The following TPH2 variants were observed in gnomAD, a reference collection of about 807,000 sequenced individuals.
The protein encoded by TPH2 is tryptophan hydroxylase 2, also known as tryptophan 5-hydroxylase 2.
In TPH2, 27 loss-of-function variants were observed where a neutral mutation model predicts 59.1. The ratio of observed to expected loss-of-function variants is 0.46; its 90% CI spans 0.34 to 0.63. The LOEUF is 0.63. Ranked by LOEUF, TPH2 falls within the 30% of genes least tolerant of loss-of-function variation. The probability of loss-of-function intolerance (pLI) is 0.01; values close to 1 mark genes in which losing one functional copy is unlikely to be tolerated. For synonymous variants in TPH2, 220 were observed against 210.5 expected, an observed-to-expected ratio of 1.05 and a Z score of -0.39; for missense variants, 523 against 588.3, an observed-to-expected ratio of 0.89 and a Z score of 1.15.
chr12:72,028,415 A>G (rs1320476898), intron 9 of TPH2, among the ~76,000 whole-genome samples: 1 of 152,196 alleles, frequency 6.6e-6, no homozygotes, highest in Non-Finnish European at 1.5e-5. Flanking sequence ...AAACTCAGTC[A>G]GACTTCTCCA....
chr12:71,957,751 G>A (rs1871552295), intron 5 of TPH2, among the ~76,000 whole-genome samples: 1 of 152,188 alleles, frequency 6.6e-6, no homozygotes, highest in South Asian at 2.1e-4. Context: ...GGACCTCCCA[G>A]CTTCACATAA....
intron 7 of TPH2, among the ~76,000 whole-genome samples, chr12:71,987,816 C>T (rs555847126): frequency 6.6e-6 from 1 of 152,288 alleles, no homozygotes; most frequent in East Asian, 1.9e-4. Context: ...CAGGCTACTG[C>T]ACTCCAGCCT....
chr12:71,961,536 G>A (rs1288046965), intron 5 of TPH2: 1 of 1,351,486 alleles, frequency 7.4e-7, no homozygotes, highest in South Asian at 1.1e-5. Flanking sequence ...TTCATTCTTT[G>A]TGAATCTTCA....
At chr12:71,940,540 A>G (rs529352347) in intron 1 of TPH2, among the ~76,000 whole-genome samples, 1 of 152,336 alleles carries the variant, frequency 6.6e-6, no homozygotes, top group East Asian at 1.9e-4. Context: ...ATTGTATTAA[A>G]TCACCATTTG....
At chr12:72,009,701 G>A (rs1447478861) in intron 8 of TPH2, among the ~76,000 whole-genome samples, 1 of 152,200 alleles carries the variant, frequency 6.6e-6, no homozygotes. Flanking sequence ...AGGATATCCA[G>A]GAGTCACAAA....
At chr12:71,987,529 T>C (rs1194907706) in intron 7 of TPH2, among the ~76,000 whole-genome samples, 1 of 152,212 alleles carries the variant, frequency 6.6e-6, no homozygotes, top group African/African-American at 2.4e-5. Flanking sequence ...AGATTTTCAA[T>C]GCATTCTCTT....
chr12:71,974,958 G>A (rs1177248567), intron 6 of TPH2, among the ~76,000 whole-genome samples: 1 of 151,906 alleles, frequency 6.6e-6, no homozygotes, highest in African/African-American at 2.4e-5. Context: ...AATTTTTTTT[G>A]TAAAAGGCCA....
intron 8 of TPH2, among the ~76,000 whole-genome samples, chr12:72,021,730 G>A (rs1352559254): frequency 6.6e-6 from 1 of 152,128 alleles, no homozygotes; most frequent in Non-Finnish European, 1.5e-5. Flanking sequence ...CCTATTGTAA[G>A]TCGAGCAGCA....
chr12:71,960,329 A>G (rs1871643273), intron 5 of TPH2, among the ~76,000 whole-genome samples: 1 of 152,236 alleles, frequency 6.6e-6, no homozygotes, highest in Non-Finnish European at 1.5e-5. Context: ...CATAGGTGGT[A>G]TCACACACAG....
chr12:71,961,441 T>A, intron 5 of TPH2: 4 of 957,298 alleles, frequency 4.2e-6, no homozygotes, highest in Non-Finnish European at 5.6e-6. Context: ...CATCTATCAC[T>A]CTGAAAAAGA....
chr12:72,022,284 A>C (rs1873440164), intron 8 of TPH2, 115 bp from the exon 9 acceptor site: 1 of 732,172 alleles, frequency 1.4e-6, no homozygotes, highest in Non-Finnish European at 2.5e-6. Context: ...AAATGTATTT[A>C]AATTGATAAT....
At chr12:72,013,080 AG>A (rs1377673605) in intron 8 of TPH2, among the ~76,000 whole-genome samples, 1 of 152,216 alleles carries the variant, frequency 6.6e-6, no homozygotes, top group Admixed American at 6.5e-5. Flanking sequence ...CTTCAATAAA[AG>A]TTGTTTTCTG....
chr12:71,950,794 T>C (rs1454619513), intron 5 of TPH2, among the ~76,000 whole-genome samples: 1 of 152,178 alleles, frequency 6.6e-6, no homozygotes, highest in Non-Finnish European at 1.5e-5. Flanking sequence ...ACGTGTGTTA[T>C]AGAGGGTCTC....
chr12:72,011,345 A>G (rs940712187), intron 8 of TPH2, among the ~76,000 whole-genome samples: 1 of 152,244 alleles, frequency 6.6e-6, no homozygotes, highest in African/African-American at 2.4e-5. Context: ...GTTTGTATTA[A>G]TAAAACCAAT....
At chr12:71,979,118 A>T in intron 7 of TPH2, 31 bp downstream of exon 7, 1 of 1,613,994 alleles carries the variant, frequency 6.2e-7, no homozygotes, top group East Asian at 2.2e-5. Flanking sequence ...CCAGGCCACC[A>T]CACCATAAAG....
At chr12:71,954,416 A>G (rs1268152901) in intron 5 of TPH2, among the ~76,000 whole-genome samples, 1 of 152,188 alleles carries the variant, frequency 6.6e-6, no homozygotes, top group Non-Finnish European at 1.5e-5. Context: ...TTCTAAAATC[A>G]TCTGTGAGAG....
chr12:71,967,485 A>G (rs1439696665), intron 5 of TPH2, among the ~76,000 whole-genome samples: 2 of 152,222 alleles, frequency 1.3e-5, no homozygotes, highest in Non-Finnish European at 2.9e-5. Flanking sequence ...TGCTCATACA[A>G]TCTTAGTTTG....
chr12:71,960,681 G>A (rs1319771991), intron 5 of TPH2, among the ~76,000 whole-genome samples: 2 of 152,132 alleles, frequency 1.3e-5, no homozygotes, highest in East Asian at 3.9e-4. Context: ...CCACAGCTGT[G>A]GAAAACATTA....
At chr12:71,957,166 G>A (rs1031877400) in intron 5 of TPH2, among the ~76,000 whole-genome samples, 1 of 152,116 alleles carries the variant, frequency 6.6e-6, no homozygotes, top group Non-Finnish European at 1.5e-5. Flanking sequence ...CACCTTGCAT[G>A]ATTGGGAGGA....
Sources: allele counts gnomAD v4.1 joint callset (sites outside exome capture counted in the v4.1 genomes callset), GRCh38; gene constraint gnomAD v4.1.1; transcripts MANE v1.5; gene names NCBI Gene and HGNC (gene_info 2026-07-23, HGNC 2026-07-21).